RIPOR2: variants seen among roughly 807,000 people sequenced by gnomAD.
The protein encoded by RIPOR2 is RHO family interacting cell polarization regulator 2.
A neutral mutation model predicts 114.5 loss-of-function variants in RIPOR2; 39 were observed. The observed-to-expected ratio is 0.34, with a 90% confidence interval of 0.26 to 0.44. The LOEUF is 0.44. Among genes scored for constraint, RIPOR2 ranks in the 20% least tolerant of loss-of-function variants. The pLI, the probability that RIPOR2 is intolerant of heterozygous loss-of-function variation, is 1.00. For synonymous variants in RIPOR2, 445 were observed against 484.4 expected (o/e 0.92, Z 1.07); for missense variants, 1,007 against 1,255.1 (o/e 0.80, Z 2.99).
chr6:24,860,161 A>G (rs1339024255), intron 8 of RIPOR2, among the ~76,000 whole-genome samples: 2 of 152,194 alleles, frequency 1.3e-5, no homozygotes, highest in African/African-American at 4.8e-5. Flanking sequence ...GAGGGGAAAA[A>G]TTCTCTGTGG....
At position 24,865,805 on chromosome 6, in the gene RIPOR2, T is replaced by TAAATAAGTATTAAAC. The variant is rs567939549; in HGVS notation, c.502-370_502-356dup. Among the ~76,000 whole-genome samples, 572 of 152,184 alleles carry TAAATAAGTATTAAAC rather than the reference T, an allele frequency of 3.8e-3. 2 individuals are homozygous for TAAATAAGTATTAAAC. Among genetic ancestry groups the TAAATAAGTATTAAAC allele is most frequent in the African/African-American group, 0.012 (503 of 41,538 alleles). ...AAAGATGAGAGCTTTCTGTAAGTAT[T>TAAATAAGTATTAAAC]AAATAAGTATTAAACAAATAAGTAT... On this transcript the variant is annotated intron_variant, in intron 6 of 21. Transcript: ENST00000643898.
intron 7 of RIPOR2, among the ~76,000 whole-genome samples, chr6:24,862,560 G>A (rs1288250742): frequency 6.6e-6 from 1 of 152,132 alleles, no homozygotes; most frequent in Non-Finnish European, 1.5e-5. Flanking sequence ...AGCAAGGCTG[G>A]GGAAAACTTC....
At chr6:24,949,049 TCTC>T (rs1772610972) in intron 1 of RIPOR2, among the ~76,000 whole-genome samples, 2 of 150,700 alleles carry the variant, frequency 1.3e-5, no homozygotes, top group African/African-American at 4.9e-5. Flanking sequence ...CATGTCACTC[TCTC>T]CTCCTTAACT....
chr6:25,037,350 G>T lies in RIPOR2; in HGVS notation c.76+4501C>A, dbSNP rs1165399402. ...ACTAAAGGAAAGAAAGGCTCTCGGG[G>T]CATTCAGTTATCTGTGCCCACCCCT... On this transcript the variant is annotated intron_variant, in intron 1 of 13. Transcript: ENST00000510784. This position sits in a 1 kb window ranked among gnomAD's most constrained non-coding sequence, Gnocchi z 4.5. Among the ~76,000 whole-genome samples, 1 of 152,152 alleles carries T rather than the reference G, an allele frequency of 6.6e-6. No homozygotes were observed. The highest frequency in any genetic ancestry group is 1.5e-5 in the Non-Finnish European group (1 of 68,024).
chr6:24,869,806 T>C (rs923610726), intron 5 of RIPOR2, among the ~76,000 whole-genome samples: 1 of 152,014 alleles, frequency 6.6e-6, no homozygotes, highest in African/African-American at 2.4e-5. Flanking sequence ...CTAAGATTGG[T>C]TTTTTTTCCC....
chr6:24,982,276 G>A (rs901538377), intron 1 of RIPOR2, among the ~76,000 whole-genome samples: 5 of 152,130 alleles, frequency 3.3e-5, no homozygotes, highest in Admixed American at 6.5e-5. Flanking sequence ...CAAAATAAAG[G>A]AATAATAGTT....
chr6:24,914,988 T>TA (rs1321465910), intron 1 of RIPOR2, among the ~76,000 whole-genome samples: 1 of 152,180 alleles, frequency 6.6e-6, no homozygotes, highest in Non-Finnish European at 1.5e-5. Flanking sequence ...CCTGCAGAAA[T>TA]AAAAAACCAT....
intron 1 of RIPOR2, among the ~76,000 whole-genome samples, chr6:24,904,579 G>A (rs1768782563): frequency 6.6e-6 from 1 of 152,228 alleles, no homozygotes; most frequent in African/African-American, 2.4e-5. Flanking sequence ...CCTGGCATTA[G>A]GACATGGACA....
rs368936819 is a variant in RIPOR2 at position 24,955,378 on chromosome 6, C to T, written c.77-79561G>A. Among the ~76,000 whole-genome samples the T allele has an allele frequency of 5.3e-5, 8 of 152,162 alleles. No individual in the cohort carries two copies. In the East Asian group the frequency reaches 1.2e-3, roughly 22 times the overall value. On this transcript the variant is annotated intron_variant, in intron 1 of 13. Coordinates refer to the RIPOR2 transcript ENST00000510784. ...ATTAATCTGTCTCCATATCCTAGAC[C>T]GGGGCATCTGAGCCCTGGGGGACAG...
At chr6:24,821,463 C>T (rs151207709) in intron 19 of RIPOR2, among the ~76,000 whole-genome samples, 3,440 of 152,308 alleles carry the variant, frequency 0.023, 122 homozygotes, top group African/African-American at 0.072. Context: ...GGATTACAGG[C>T]GTGAGCCACA....
chr6:24,808,487 G>T (rs1407947334), intron 21 of RIPOR2, among the ~76,000 whole-genome samples: 2 of 152,060 alleles, frequency 1.3e-5, no homozygotes, highest in African/African-American at 4.8e-5. Flanking sequence ...AGATTTCTGT[G>T]GAAGAAATCA....
chr6:24,995,727 T>C (rs547286012), intron 1 of RIPOR2, among the ~76,000 whole-genome samples: 2 of 152,322 alleles, frequency 1.3e-5, no homozygotes, highest in South Asian at 4.1e-4. Flanking sequence ...GGATATTTTA[T>C]ATCTGTATAA....
At chr6:24,967,168 C>A (rs574566506) in intron 1 of RIPOR2, among the ~76,000 whole-genome samples, 22 of 152,292 alleles carry the variant, frequency 1.4e-4, no homozygotes, top group African/African-American at 5.3e-4. Flanking sequence ...AGAGCCTAAA[C>A]CATTCTTATC....
chr6:24,974,200 A>G (rs1415706739), intron 1 of RIPOR2, among the ~76,000 whole-genome samples: 1 of 152,126 alleles, frequency 6.6e-6, no homozygotes, highest in Admixed American at 6.6e-5. Flanking sequence ...CCTGGGTAAC[A>G]TAGTGAGACC....
chr6:24,873,832 G>A (rs761553403), intron 2 of RIPOR2, 33 bp from the exon 3 acceptor site: 1 of 1,563,842 alleles, frequency 6.4e-7, no homozygotes. Flanking sequence ...TGTGAGGATT[G>A]GGCATCCAAA....
rs561495604 is a variant in RIPOR2, at chr6:25,000,309, G to A, written c.76+41542C>T. On this transcript the variant is annotated intron_variant, in intron 1 of 13. Coordinates refer to the RIPOR2 transcript ENST00000510784. ...GTAGCACTCCATGCTGACCACTCGC[G>A]AAAACTCACACAATGCACTCCAATG... 8.3e-4 allele frequency among the ~76,000 whole-genome samples: 127 copies of A among 152,196 alleles called. 1 individual carries two copies. The highest frequency in any genetic ancestry group is 6.8e-3 in the Middle Eastern group (2 of 294).
At chr6:25,020,833 G>T (rs1465461298) in intron 1 of RIPOR2, among the ~76,000 whole-genome samples, 1 of 152,032 alleles carries the variant, frequency 6.6e-6, no homozygotes, top group Non-Finnish European at 1.5e-5. Context: ...TTGGGGACAA[G>T]GTTCATGTCT....
chr6:24,909,912 C>A (rs567781876), intron 1 of RIPOR2, among the ~76,000 whole-genome samples: 20 of 152,246 alleles, frequency 1.3e-4, no homozygotes, highest in South Asian at 1.0e-3. Context: ...CCTGCTTTTC[C>A]ACTTGCTCTC....
rs376372317 is a variant in RIPOR2 at position 24,832,240 on chromosome 6, A to G, written c.2344+16T>C. On this transcript the variant is annotated intron_variant, in intron 16 of 21. Transcript: ENST00000643898. ...CATCATTTACGTGAATAGCGGTGTA[A>G]CTGGCAGATACTTACCTTCCACAAC... 57 of 1,551,068 alleles carry G rather than the reference A, an allele frequency of 3.7e-5. 1 individual carries two copies. The East Asian group carries it at 7.1e-4, about 19-fold the overall frequency.
Sources: allele counts gnomAD v4.1 joint callset (sites outside exome capture counted in the v4.1 genomes callset), GRCh38; gene constraint gnomAD v4.1.1; non-coding constraint Gnocchi (gnomAD v3.1); transcripts MANE v1.5; gene names NCBI Gene and HGNC (gene_info 2026-07-23, HGNC 2026-07-21).